Variants in TBCD observed in about 807,000 individuals in gnomAD.
TBCD encodes the protein tubulin folding cofactor D.
A neutral mutation model predicts 169.3 loss-of-function variants in TBCD; 105 were observed. The ratio of observed to expected loss-of-function variants is 0.62; its 90% CI spans 0.53 to 0.73. TBCD has a LOEUF of 0.73. Among genes scored for constraint, TBCD ranks in the 30% least tolerant of loss-of-function variants. The pLI is 0.00. For missense variants in TBCD, 1,444 were observed against 1,600.1 expected (o/e 0.90, Z 1.66); for synonymous variants, 700 against 643.9 (o/e 1.09, Z -1.32).
chr17:82,778,728 C>A (rs2048754334), intron 6 of TBCD, among the ~76,000 whole-genome samples: 1 of 11,854 alleles, frequency 8.4e-5, no homozygotes, highest in Non-Finnish European at 1.3e-4. Flanking sequence ...ATGGCGTGAT[C>A]TCAGCTCCAC....
chr17:82,837,231 TGAA>T (rs2054064854), intron 13 of TBCD, among the ~76,000 whole-genome samples: 3 of 152,172 alleles, frequency 2.0e-5, no homozygotes, highest in Admixed American at 2.0e-4. Context: ...TTTATAAGGA[TGAA>T]GAAACCAAAC....
At position 82,864,790 on chromosome 17, in the gene TBCD, A is replaced by C. The variant is rs943903291; in HGVS notation, c.1319-5434A>C. Among the ~76,000 whole-genome samples, 1 of 145,508 alleles carries C rather than the reference A, an allele frequency of 6.9e-6. No homozygotes were observed. The highest frequency in any genetic ancestry group is 2.5e-5 in the African/African-American group (1 of 40,158). On this transcript the variant is annotated intron_variant, in intron 13 of 38. Transcript: ENST00000355528. This position sits in a 1 kb window ranked among gnomAD's most constrained non-coding sequence, Gnocchi z 6.3. ...ATATCCGGGCGCCCACCCTAGCAGCACAGGAAGGGCTGGGATCACCACTCC... is the reference window on the plus strand; with the variant it reads ...ATATCCGGGCGCCCACCCTAGCAGCCCAGGAAGGGCTGGGATCACCACTCC...
chr17:82,776,967 G>A (rs945720694), intron 6 of TBCD, among the ~76,000 whole-genome samples: 5 of 152,182 alleles, frequency 3.3e-5, no homozygotes, highest in Admixed American at 6.5e-5. Flanking sequence ...CTGCGTGTCT[G>A]TGGGCTCCTT....
chr17:82,859,536 C>T, intron 13 of TBCD: 1 of 984,584 alleles, frequency 1.0e-6, no homozygotes, highest in Non-Finnish European at 1.2e-6. Context: ...GTTGGGTGAG[C>T]AGACACACAA....
intron 16 of TBCD, among the ~76,000 whole-genome samples, chr17:82,892,617 G>C (rs1032445161): frequency 6.6e-6 from 1 of 152,144 alleles, no homozygotes; most frequent in Non-Finnish European, 1.5e-5. Context: ...TTACATGAAG[G>C]TGTGAGGTTT....
At chr17:82,764,367 G>C (rs1023167089) in intron 3 of TBCD, among the ~76,000 whole-genome samples, 5 of 152,194 alleles carry the variant, frequency 3.3e-5, no homozygotes, top group Admixed American at 2.0e-4. Context: ...AAAGCAGGCC[G>C]GGTGCGGTGG....
intron 7 of TBCD, chr17:82,795,678 C>G: frequency 2.3e-6 from 2 of 875,898 alleles, no homozygotes; most frequent in South Asian, 1.0e-4. Flanking sequence ...CAGTGACAGC[C>G]GCACTCTTGC....
rs1750480474 is a variant in TBCD at position 82,943,688 on chromosome 17, G to A, written c.*1225G>A. The A allele has an allele frequency of 6.6e-6, 1 of 152,268 alleles. No individual in the cohort carries two copies. Among genetic ancestry groups the A allele is most frequent in the South Asian group, 2.1e-4 (1 of 4,834 alleles). 9.4% of individuals were successfully genotyped at this position (152,268 alleles called of 1,614,324 possible). On this transcript the variant is annotated 3_prime_UTR_variant, in exon 39 of 39. Coordinates refer to ENST00000355528, the MANE Select transcript of TBCD (RefSeq NM_005993.5). ...GCAGACAGCTCTTCACGGGATGTGT[G>A]TGACGACCTGGCCACACAGGAGTGT...
At chr17:82,921,931 T>G (rs987599504) in intron 25 of TBCD, among the ~76,000 whole-genome samples, 1 of 152,232 alleles carries the variant, frequency 6.6e-6, no homozygotes, top group African/African-American at 2.4e-5. Context: ...GATGCTCCTG[T>G]GCAGATGAGA....
chr17:82,861,524 C>T (rs1015576387), intron 13 of TBCD, among the ~76,000 whole-genome samples: 2 of 152,144 alleles, frequency 1.3e-5, no homozygotes, highest in Admixed American at 6.5e-5. Flanking sequence ...GATCCAGGGG[C>T]GTCAAGAGAC....
chr17:82,832,019 C>T lies in TBCD; in HGVS notation c.1318+17085C>T, dbSNP rs760490074. 22 of 1,612,228 alleles carry T rather than the reference C, an allele frequency of 1.4e-5. No individual in the cohort carries two copies. Among genetic ancestry groups the T allele is most frequent in the African/African-American group, 5.3e-5 (4 of 74,880 alleles). On this transcript the variant is annotated intron_variant, in intron 13 of 38. Transcript: ENST00000355528. This position sits in a 1 kb window ranked among gnomAD's most constrained non-coding sequence, Gnocchi z 4.9. The stretch of plus-strand genomic sequence containing the variant: ...TCCAGAGCAGGCTGGGCACCGAGGG[C>T]GGCTTCCGGAGCTGGGCTCTTGCAG...
intron 13 of TBCD, among the ~76,000 whole-genome samples, chr17:82,824,807 T>G (rs2052698453): frequency 6.6e-6 from 1 of 152,228 alleles, no homozygotes; most frequent in African/African-American, 2.4e-5. Flanking sequence ...TGAAGTGGAA[T>G]TAGTGGGTCA....
intron 8 of TBCD, among the ~76,000 whole-genome samples, chr17:82,800,601 G>T (rs1284266345): frequency 6.6e-6 from 1 of 152,138 alleles, no homozygotes; most frequent in Non-Finnish European, 1.5e-5. Context: ...TTGGGCCTTT[G>T]TGTGTGCTGC....
At chr17:82,937,630 A>T in intron 35 of TBCD, 2 of 599,116 alleles carry the variant, frequency 3.3e-6, no homozygotes, top group Non-Finnish European at 5.9e-6. Flanking sequence ...TCCGGAAAGG[A>T]GCTGCGTGGT....
chr17:82,882,327 C>A (rs2058415249), intron 14 of TBCD, among the ~76,000 whole-genome samples: 1 of 152,220 alleles, frequency 6.6e-6, no homozygotes, highest in South Asian at 2.1e-4. Context: ...TCCCCCCCAG[C>A]CCCTGACGTT....
In TBCD at chr17:82,832,008, G is replaced by A. The variant is rs1274486084; in HGVS notation, c.1318+17074G>A. On this transcript the variant is annotated intron_variant, in intron 13 of 38. Coordinates refer to ENST00000355528, the MANE Select transcript of TBCD (RefSeq NM_005993.5). This position sits in a 1 kb window ranked among gnomAD's most constrained non-coding sequence, Gnocchi z 4.9. ...GAGCTGCGCCTTCCAGAGCAGGCTG[G>A]GCACCGAGGGCGGCTTCCGGAGCTG... The A allele has an allele frequency of 1.2e-6, 2 of 1,612,550 alleles. No individual in the cohort carries two copies. The highest frequency in any genetic ancestry group is 3.3e-5 in the Admixed American group (2 of 59,976).
intron 13 of TBCD, among the ~76,000 whole-genome samples, chr17:82,854,773 C>T (rs928289874): frequency 6.6e-6 from 1 of 152,100 alleles, no homozygotes; most frequent in African/African-American, 2.4e-5. Flanking sequence ...GAAACGATGA[C>T]CAGAAAAACC....
rs867075139 is a variant in TBCD, at chr17:82,772,457, CTTGA to C, written c.592_595del (p.Ile198SerfsTer100). 4 of 1,613,912 alleles carry C rather than the reference CTTGA, an allele frequency of 2.5e-6. No individual in the cohort carries two copies. Among genetic ancestry groups the C allele is most frequent in the South Asian group, 1.1e-5 (1 of 91,084 alleles). On this transcript the variant is annotated frameshift_variant, in exon 6 of 39. Coordinates refer to ENST00000355528, the MANE Select transcript of TBCD (RefSeq NM_005993.5). LOFTEE classifies it high-confidence loss of function. ...TGCTTCACCCTTTCTTGCAGTCCTA[CTTGA>C]TTGTCAGTGACAAGGCCCGAGATGC...
chr17:82,773,795 C>T (rs1254182656), intron 6 of TBCD, among the ~76,000 whole-genome samples: 2 of 151,760 alleles, frequency 1.3e-5, no homozygotes, highest in African/African-American at 4.8e-5. Flanking sequence ...GGCACGATCT[C>T]GGCTCACTGC....
Sources: gnomAD v4.1 joint callset for allele counts (sites outside exome capture counted in the v4.1 genomes callset) on GRCh38, gnomAD v4.1.1 for gene constraint, Gnocchi (gnomAD v3.1) non-coding constraint, MANE v1.5 for transcripts, NCBI Gene and HGNC (gene_info 2026-07-23, HGNC 2026-07-21) for gene names.